Variants in RIC8B observed in about 807,000 individuals in gnomAD.
RIC8B encodes RIC8 guanine nucleotide exchange factor B, also known as chaperone Ric-8B.
Under a neutral mutation model 57.5 loss-of-function variants are expected in RIC8B, and 16 were observed. The observed-to-expected ratio is 0.28, with a 90% confidence interval of 0.19 to 0.42. The LOEUF is 0.42. Ranked by LOEUF, RIC8B falls within the 10% of genes least tolerant of loss-of-function variation. The probability of loss-of-function intolerance (pLI) is 1.00; values close to 1 mark genes in which losing one functional copy is unlikely to be tolerated. For missense variants in RIC8B, 481 were observed against 677.0 expected (o/e 0.71, Z 3.21); for synonymous variants, 216 against 250.8 (o/e 0.86, Z 1.31).
At position 106,815,088 on chromosome 12, in the gene RIC8B, C is replaced by T; in HGVS notation, c.525C>T (p.His175=). The T allele has an allele frequency of 1.2e-6, 2 of 1,614,218 alleles. No homozygotes were observed. The highest frequency in any genetic ancestry group is 1.7e-6 in the Non-Finnish European group (2 of 1,180,040). ...LRLLFLLSLL[H]TDIRSQLRYE... The stretch of plus-strand genomic sequence containing the variant: ...TGCTCTTCCTTCTGTCACTTTTGCA[C>T]ACCGACATCAGGTCACAATTGCGCT... The change falls in exon 3 of 10, where the codon CAC becomes CAT. Residue 175 remains histidine, a synonymous_variant. Transcript: ENST00000392837.
intron 2 of RIC8B, among the ~76,000 whole-genome samples, chr12:106,784,253 A>G (rs2043895449): frequency 6.6e-6 from 1 of 152,304 alleles, no homozygotes; most frequent in African/African-American, 2.4e-5. Flanking sequence ...TCGCAGGACT[A>G]TTAACACTTG....
intron 9 of RIC8B, among the ~76,000 whole-genome samples, chr12:106,877,333 A>G (rs1950711329): frequency 6.6e-6 from 1 of 152,142 alleles, no homozygotes; most frequent in South Asian, 2.1e-4. Context: ...CTATTGTGAG[A>G]AATTACCAAC....
intron 4 of RIC8B, among the ~76,000 whole-genome samples, chr12:106,836,653 T>C (rs1437173660): frequency 2.0e-5 from 3 of 152,228 alleles, no homozygotes; most frequent in African/African-American, 7.2e-5. Flanking sequence ...ACCTGAATTA[T>C]TGCAGTAACA....
chr12:106,808,617 A>G (rs1048223315), intron 2 of RIC8B, among the ~76,000 whole-genome samples: 1 of 152,084 alleles, frequency 6.6e-6, no homozygotes, highest in African/African-American at 2.4e-5. Context: ...CTAAATGCAT[A>G]CTCTTTTTTT....
intron 7 of RIC8B, among the ~76,000 whole-genome samples, chr12:106,858,042 G>GC (rs992462714): frequency 6.6e-6 from 1 of 152,122 alleles, no homozygotes; most frequent in African/African-American, 2.4e-5. Context: ...TCATAAAATT[G>GC]CCGGGGGCTT....
intron 4 of RIC8B, among the ~76,000 whole-genome samples, chr12:106,828,349 A>T (rs1431257271): frequency 6.6e-6 from 1 of 152,218 alleles, no homozygotes; most frequent in African/African-American, 2.4e-5. Context: ...TGAAAATGGC[A>T]CTAACCTCAA....
At chr12:106,856,337 G>GT (rs1937388731) in intron 7 of RIC8B, among the ~76,000 whole-genome samples, 1 of 152,086 alleles carries the variant, frequency 6.6e-6, no homozygotes, top group African/African-American at 2.4e-5. Flanking sequence ...TGCCTGCATG[G>GT]TAAAAACCAA....
chr12:106,870,279 G>A (rs1360587612), intron 8 of RIC8B, among the ~76,000 whole-genome samples: 1 of 151,932 alleles, frequency 6.6e-6, no homozygotes, highest in Admixed American at 6.5e-5. Flanking sequence ...AATTAAAATT[G>A]TTCTTCTGCT....
chr12:106,781,705 C>CA (rs1384303694), intron 1 of RIC8B, among the ~76,000 whole-genome samples: 5 of 152,072 alleles, frequency 3.3e-5, no homozygotes, highest in African/African-American at 1.2e-4. Flanking sequence ...TTCCAAAAGA[C>CA]AATTTATTTT....
rs2046069490 is a variant in RIC8B, at chr12:106,825,791, A to G, written c.807A>G (p.Pro269=). The change falls in exon 4 of 10, where the codon CCA becomes CCG. Residue 269 remains proline, a synonymous_variant. Transcript: ENST00000392837. ...VLRHCLLIVG[P]TEDKTEELHS... Reference sequence around the variant, plus strand: ...GTCATTGTTTACTAATCGTAGGTCCAACTGAAGACAAAACAGAAGAGCTAC... The same window carrying G: ...GTCATTGTTTACTAATCGTAGGTCCGACTGAAGACAAAACAGAAGAGCTAC... 4 of 1,613,518 alleles carry G rather than the reference A, an allele frequency of 2.5e-6. No homozygotes were observed. Among genetic ancestry groups the G allele is most frequent in the Non-Finnish European group, 3.4e-6 (4 of 1,179,442 alleles).
chr12:106,846,741 C>A lies in RIC8B; in HGVS notation c.1161+2794C>A, dbSNP rs937584287. 7.6e-4 allele frequency among the ~76,000 whole-genome samples: 108 copies of A among 141,416 alleles called. No individual in the cohort carries two copies. In the South Asian group the frequency reaches 9.1e-3, roughly 12 times the overall value. The allele number at this position is 141,416 out of a possible 152,430, so 92.8% of individuals were successfully genotyped here. On this transcript the variant is annotated intron_variant, in intron 6 of 9. Coordinates refer to ENST00000392837, the MANE Select transcript of RIC8B (RefSeq NM_001330145.2). ...GAACAGCCAAAAAAAAAAAAAAAAC[C>A]TATTAGTTAAATACTTCTTAATATG...
chr12:106,837,718 T>G (rs2046680635), intron 4 of RIC8B, among the ~76,000 whole-genome samples: 1 of 148,676 alleles, frequency 6.7e-6, no homozygotes, highest in African/African-American at 2.5e-5. Context: ...CTTGGCTCAC[T>G]GCATCCTCTG....
chr12:106,778,509 G>C (rs976503542), intron 1 of RIC8B, among the ~76,000 whole-genome samples: 1 of 152,110 alleles, frequency 6.6e-6, no homozygotes, highest in African/African-American at 2.4e-5. Flanking sequence ...TTTATTGAGT[G>C]CCTGCTATGT....
chr12:106,866,272 ATTTT>A (rs1405689627), intron 8 of RIC8B, among the ~76,000 whole-genome samples: 1 of 152,120 alleles, frequency 6.6e-6, no homozygotes, highest in Non-Finnish European at 1.5e-5. Flanking sequence ...GAATGAATGA[ATTTT>A]TTGAGTTAGT....
intron 2 of RIC8B, 61 bp downstream of exon 2, chr12:106,784,105 C>T: frequency 7.0e-7 from 1 of 1,433,574 alleles, no homozygotes; most frequent in Non-Finnish European, 9.7e-7. Context: ...CATGGACTTT[C>T]TAAGCAGTGG....
chr12:106,835,424 C>T (rs1307900038), intron 4 of RIC8B, among the ~76,000 whole-genome samples: 1 of 152,178 alleles, frequency 6.6e-6, no homozygotes, highest in East Asian at 1.9e-4. Context: ...AATATGTCTG[C>T]TGTTCAGAAG....
At position 106,885,976 on chromosome 12, in the gene RIC8B, G is replaced by T; in HGVS notation, c.1644G>T (p.Gln548His). 1 of 1,613,772 alleles carries T rather than the reference G, an allele frequency of 6.2e-7. No homozygotes were observed. Among genetic ancestry groups the T allele is most frequent in the Non-Finnish European group, 8.5e-7 (1 of 1,179,818 alleles). Residue 548 changes from glutamine to histidine, a missense_variant, in exon 10 of 10, where the codon CAG becomes CAT. Physicochemically the swap from Gln to His is conservative, Grantham distance 24 (BLOSUM62 0). Around this residue, in one of 3 missense-constraint regions of RIC8B, gnomAD observed 17 missense variants for 16.3 expected, o/e 1.05. Coordinates refer to ENST00000392837, the MANE Select transcript of RIC8B (RefSeq NM_001330145.2). The part of the protein sequence containing the change: ...TITPLEEALN[Q>H]YSVIEETSSD... The stretch of plus-strand genomic sequence containing the variant: ...CGCCTTTGGAGGAAGCACTCAACCA[G>T]TACTCTGTCATCGAAGAGACCAGCT...
intron 2 of RIC8B, among the ~76,000 whole-genome samples, chr12:106,788,327 C>T (rs1453508095): frequency 6.6e-6 from 1 of 152,190 alleles, no homozygotes; most frequent in African/African-American, 2.4e-5. Flanking sequence ...GTCTGCGGCT[C>T]TTCCAGGTGC....
rs1033536816 is a variant in RIC8B at position 106,879,336 on chromosome 12, A to G, written c.1572-6568A>G. ...CACATACACGTCTGACCTATTCTAT[A>G]TTGTGCGATTGGGTATGTTAGTATC... On this transcript the variant is annotated intron_variant, in intron 9 of 9. Coordinates refer to ENST00000392837, the MANE Select transcript of RIC8B (RefSeq NM_001330145.2). The surrounding 1 kb of genome is among the most constrained non-coding windows in gnomAD (Gnocchi z 4.9). 10 of 985,150 alleles carry G rather than the reference A, an allele frequency of 1.0e-5. No homozygotes were observed. Among genetic ancestry groups the G allele is most frequent in the Admixed American group, 6.2e-5 (1 of 16,228 alleles). The allele number at this position is 985,150 out of a possible 1,614,324, so 61.0% of individuals were successfully genotyped here.
Sources: gnomAD v4.1 joint callset for allele counts (sites outside exome capture counted in the v4.1 genomes callset) on GRCh38, gnomAD v4.1.1 for gene constraint, gnomAD v4.1.1 regional missense constraint, Gnocchi (gnomAD v3.1) non-coding constraint, MANE v1.5 for transcripts, NCBI Gene and HGNC (gene_info 2026-07-23, HGNC 2026-07-21) for gene names.